Variants in AHCTF1 observed in about 807,000 individuals in gnomAD.
The protein encoded by AHCTF1 is AT-hook containing transcription factor 1, also known as protein ELYS.
Under a neutral mutation model 248.4 loss-of-function variants are expected in AHCTF1, and 24 were observed. The ratio of observed to expected loss-of-function variants is 0.10; its 90% confidence interval spans 0.07 to 0.14. The LOEUF (loss-of-function observed/expected upper bound fraction) is 0.14, where lower values mean the gene tolerates loss of function less well. Among genes scored for constraint, AHCTF1 ranks in the 10% least tolerant of loss-of-function variants. AHCTF1 has a pLI of 1.00. For synonymous variants in AHCTF1, 786 were observed against 929.8 expected (o/e 0.85, Z 2.81); for missense variants, 2,206 against 2,636.2 (o/e 0.84, Z 3.57).
chr1:246,913,441 T>C (rs555618588), intron 3 of AHCTF1, 29 bp from the exon 4 acceptor site: 1 of 1,571,356 alleles, frequency 6.4e-7, no homozygotes, highest in African/African-American at 1.4e-5. Flanking sequence ...GATTTGCTTT[T>C]CTTCTGCAAA....
At chr1:246,888,856 C>T (rs1284928821) in intron 17 of AHCTF1, among the ~76,000 whole-genome samples, 1 of 152,138 alleles carries the variant, frequency 6.6e-6, no homozygotes, top group African/African-American at 2.4e-5. Flanking sequence ...GTGAGCTATA[C>T]ACATGCCACT....
At chr1:246,877,357 A>G (rs1663050867) in intron 21 of AHCTF1, 55 bp from the exon 22 acceptor site, 1 of 1,484,278 alleles carries the variant, frequency 6.7e-7, no homozygotes, top group Admixed American at 2.5e-5. Flanking sequence ...TAAATGTACA[A>G]AACAAGAAAT....
chr1:246,927,177 CAA>C (rs1197219820), intron 1 of AHCTF1, among the ~76,000 whole-genome samples: 7 of 120,340 alleles, frequency 5.8e-5, no homozygotes, highest in Admixed American at 1.7e-4. Flanking sequence ...GACTCTGTCT[CAA>C]AAAAAAAAAA....
intron 12 of AHCTF1, 83 bp downstream of exon 12, chr1:246,898,125 A>G: frequency 6.4e-7 from 1 of 1,570,918 alleles, no homozygotes; most frequent in Non-Finnish European, 8.7e-7. Flanking sequence ...TTTTGCAGAA[A>G]TTATCTAATA....
intron 1 of AHCTF1, among the ~76,000 whole-genome samples, chr1:246,922,766 A>T (rs1422857872): frequency 1.3e-5 from 2 of 150,700 alleles, no homozygotes; most frequent in Admixed American, 6.6e-5. Flanking sequence ...GCGGATCACG[A>T]GGTCAGGAGA....
chr1:246,870,176 G>A (rs561578273), intron 24 of AHCTF1, among the ~76,000 whole-genome samples: 3 of 152,316 alleles, frequency 2.0e-5, no homozygotes, highest in South Asian at 4.1e-4. Context: ...AGGCATGATG[G>A]CTCATGCCTG....
rs192216242 is a variant in AHCTF1, at chr1:246,899,424, A to G, written c.1494+27T>C. 1.9e-3 allele frequency: 2,977 copies of G among 1,543,982 alleles called. 2 individuals carry two copies. Among genetic ancestry groups the G allele is most frequent in the Non-Finnish European group, 2.4e-3 (2,679 of 1,127,854 alleles). ...TATTCTAAGATCTGACTTCAGTTCA[A>G]TTAAGAAATCACTAGTTGTTACCTA... On this transcript the variant is annotated intron_variant, in intron 11 of 35. Transcript: ENST00000648844.
At chr1:246,906,813 A>G (rs1181441646) in intron 5 of AHCTF1, among the ~76,000 whole-genome samples, 1 of 152,238 alleles carries the variant, frequency 6.6e-6, no homozygotes, top group Non-Finnish European at 1.5e-5. Flanking sequence ...TTTTGACAGC[A>G]GAAAAAATTT....
At position 246,927,173 on chromosome 1, in the gene AHCTF1, G is replaced by A. The variant is rs570636545; in HGVS notation, c.-8+4405C>T. On this transcript the variant is annotated intron_variant, in intron 1 of 35. Coordinates refer to ENST00000648844, the MANE Select transcript of AHCTF1 (RefSeq NM_001323342.2). ...AGCCTGGGCGACAGAGCGAGACTCTGTCTCAAAAAAAAAAAAAGAAAGAAA... is the reference window on the plus strand; with the variant it reads ...AGCCTGGGCGACAGAGCGAGACTCTATCTCAAAAAAAAAAAAAGAAAGAAA... Among the ~76,000 whole-genome samples the A allele has an allele frequency of 4.2e-3, 623 of 148,648 alleles. 5 individuals carry two copies. Among genetic ancestry groups the A allele is most frequent in the Non-Finnish European group, 6.9e-3 (466 of 67,208 alleles).
chr1:246,882,352 A>G (rs190571948), intron 21 of AHCTF1, among the ~76,000 whole-genome samples: 1 of 152,288 alleles, frequency 6.6e-6, no homozygotes, highest in East Asian at 1.9e-4. Context: ...CAGGTACCAC[A>G]TGGATCACAT....
In AHCTF1 at chr1:246,849,657, G is replaced by C; in HGVS notation, c.6349C>G (p.Pro2117Ala). ...LPDLSEPNNEPLFSPASEVPR... is the reference protein window; with the variant it reads ...LPDLSEPNNEALFSPASEVPR... ...ACTTCTGACGCTGGAGAAAATAAAG[G>C]CTCATTGTTTGGTTCAGAAAGGTCC... The change falls in exon 33 of 36, where the codon CCT becomes GCT. Residue 2117 changes from proline (P) to alanine (A), a missense_variant. Pro to Ala is a conservative substitution (Grantham distance 27). Around this residue, in one of 6 missense-constraint regions of AHCTF1, gnomAD observed 469 missense variants for 470.0 expected, o/e 1.00. Coordinates refer to ENST00000648844, the MANE Select transcript of AHCTF1 (RefSeq NM_001323342.2). The C allele has an allele frequency of 6.2e-7, 1 of 1,613,546 alleles. No homozygotes were observed. The highest frequency in any genetic ancestry group is 8.5e-7 in the Non-Finnish European group (1 of 1,179,640).
Position 246,868,161 on chromosome 1 carries a change from C to T in AHCTF1, c.3089-350G>A, listed in dbSNP as rs1292860867. 2.0e-5 allele frequency among the ~76,000 whole-genome samples: 3 copies of T among 147,354 alleles called. No individual in the cohort carries two copies. The East Asian group carries it at 5.9e-4, about 29-fold the overall frequency. Reference sequence around the variant, plus strand: ...TTTTTTTTTTTGAGACGGAGTCTTGCTCTGTAGCCCAGGCTGGAGTGCAGT... The same window carrying T: ...TTTTTTTTTTTGAGACGGAGTCTTGTTCTGTAGCCCAGGCTGGAGTGCAGT... On this transcript the variant is annotated intron_variant, in intron 24 of 35. Coordinates refer to ENST00000648844, the MANE Select transcript of AHCTF1 (RefSeq NM_001323342.2).
rs1170588947 is a variant in AHCTF1 at position 246,912,138 on chromosome 1, C to CATT, written c.556+1093_556+1094insAAT. Among the ~76,000 whole-genome samples the CATT allele has an allele frequency of 5.9e-5, 9 of 152,054 alleles. No individual in the cohort carries two copies. The East Asian group carries it at 1.7e-3, about 29-fold the overall frequency. On this transcript the variant is annotated intron_variant, in intron 4 of 35. Transcript: ENST00000648844. ...ATAGTTTGTATCTATTTCTGAGCTG[C>CATT]TCCATAAATGAAAAGAGCTACACTG...
chr1:246,877,684 G>GGAAA (rs779943622), intron 21 of AHCTF1, among the ~76,000 whole-genome samples: 53 of 152,142 alleles, frequency 3.5e-4, no homozygotes, highest in Admixed American at 3.9e-4. Context: ...ATCTATAGAT[G>GGAAA]GAAACAAGCA....
Position 246,888,529 on chromosome 1 carries a change from G to C in AHCTF1, c.2145-12C>G, listed in dbSNP as rs1663988435. ...GATTCCACTTCCCTCTGCAATCAGG[G>C]AAAAATTAAGACTTATTTAATATCA... On this transcript the variant is annotated splice_polypyrimidine_tract_variant and intron_variant, in intron 17 of 35. Transcript: ENST00000648844. 1 of 1,611,336 alleles carries C rather than the reference G, an allele frequency of 6.2e-7. No homozygotes were observed. The highest frequency in any genetic ancestry group is 1.3e-5 in the African/African-American group (1 of 74,690).
At chr1:246,862,635 CG>C (rs1661653181) in intron 27 of AHCTF1, among the ~76,000 whole-genome samples, 1 of 152,134 alleles carries the variant, frequency 6.6e-6, no homozygotes, top group South Asian at 2.1e-4. Context: ...GCTTTTTATA[CG>C]TAAGTCTACG....
Position 246,853,295 on chromosome 1 carries a change from C to CATAGCTGAAAGAAAA in AHCTF1, c.4355-11_4358dup (p.Ser1452_Met1453insIlePheLeuSerAla). 5 of 1,602,432 alleles carry CATAGCTGAAAGAAAA rather than the reference C, an allele frequency of 3.1e-6. No individual in the cohort carries two copies. The highest frequency in any genetic ancestry group is 4.3e-6 in the Non-Finnish European group (5 of 1,175,138). On this transcript the variant is annotated inframe_insertion, in exon 32 of 36. Coordinates refer to ENST00000648844, the MANE Select transcript of AHCTF1 (RefSeq NM_001323342.2). ...TTCCACCATCACCAAGGACATCAGC[C>CATAGCTGAAAGAAAA]ATAGCTGAAAGAAAAATGAGTGAAT...
At chr1:246,927,971 GCCTGGC>G (rs1667062972) in intron 1 of AHCTF1, among the ~76,000 whole-genome samples, 1 of 152,144 alleles carries the variant, frequency 6.6e-6, no homozygotes, top group South Asian at 2.1e-4. Flanking sequence ...CTGCACTCCA[GCCTGGC>G]GACAGAGCAA....
chr1:246,874,915 T>C (rs1443381859), intron 24 of AHCTF1, among the ~76,000 whole-genome samples: 1 of 152,162 alleles, frequency 6.6e-6, no homozygotes, highest in Admixed American at 6.5e-5. Flanking sequence ...CTCCCAGGAT[T>C]ATAGAAATTT....
Sources: gnomAD v4.1 joint callset for allele counts (sites outside exome capture counted in the v4.1 genomes callset) on GRCh38, gnomAD v4.1.1 for gene constraint, gnomAD v4.1.1 regional missense constraint, MANE v1.5 for transcripts, NCBI Gene and HGNC (gene_info 2026-07-23, HGNC 2026-07-21) for gene names.